The following QTGAL variants were observed in gnomAD, a reference collection of about 807,000 sequenced individuals.
QTGAL encodes the protein BGnT-like protein 1.
At chr17:83,049,550 T>C in the QTGAL span, among the ~76,000 whole-genome samples, 9 of 151,588 alleles carry the variant, frequency 5.9e-5, no homozygotes, top group African/African-American at 1.9e-4. Context: ...GTAGCTGGGA[T>C]TACAGGTGCT....
chr17:82,986,259 G>A, the QTGAL span, among the ~76,000 whole-genome samples: 4 of 152,318 alleles, frequency 2.6e-5, no homozygotes, highest in East Asian at 3.9e-4. Flanking sequence ...GCCCGACCCC[G>A]TGGCCACAGA....
the QTGAL span, among the ~76,000 whole-genome samples, chr17:83,016,909 A>G: frequency 1.3e-5 from 2 of 152,202 alleles, no homozygotes; most frequent in East Asian, 1.9e-4. Flanking sequence ...ACCTTCAAAC[A>G]CGGGACCCTC....
At chr17:83,023,412 T>C in the QTGAL span, among the ~76,000 whole-genome samples, 2 of 148,648 alleles carry the variant, frequency 1.3e-5, no homozygotes, top group Non-Finnish European at 3.1e-5. Context: ...TCCGCTGTTT[T>C]CTAAAGTTGC....
chr17:82,993,565 C>T, the QTGAL span, among the ~76,000 whole-genome samples: 1 of 152,010 alleles, frequency 6.6e-6, no homozygotes, highest in African/African-American at 2.4e-5. Context: ...ATTTTCAGCA[C>T]TGAACAGATT....
At chr17:82,968,301 T>TGCCCGTACCACGAGTCCAGTGGA in the QTGAL span, among the ~76,000 whole-genome samples, 1 of 152,124 alleles carries the variant, frequency 6.6e-6, no homozygotes, top group African/African-American at 2.4e-5. Flanking sequence ...AGCCCTGTGG[T>TGCCCGTACCACGAGTCCAGTGGA]GCCCGTACCA....
chr17:82,952,091 G>A, the QTGAL span, among the ~76,000 whole-genome samples: 109,319 of 152,160 alleles, frequency 0.72, 39,744 homozygotes, highest in South Asian at 0.84. Context: ...ATAAAATGAG[G>A]TGCGCCAGTA....
chr17:83,039,524 G>A, the QTGAL span, among the ~76,000 whole-genome samples: 1 of 106,718 alleles, frequency 9.4e-6, no homozygotes, highest in African/African-American at 3.4e-5. Flanking sequence ...CCCGCCGCCC[G>A]CCCCTGTTCT....
At chr17:82,998,853 C>T in the QTGAL span, among the ~76,000 whole-genome samples, 1,988 of 152,114 alleles carry the variant, frequency 0.013, 44 homozygotes, top group African/African-American at 0.043. Context: ...AGAAGATACA[C>T]GGATGGCAAA....
At chr17:83,031,123 T>C in the QTGAL span, among the ~76,000 whole-genome samples, 1 of 152,240 alleles carries the variant, frequency 6.6e-6, no homozygotes, top group Admixed American at 6.5e-5. Context: ...TTTATTCTAC[T>C]AAAGTTTCCA....
the QTGAL span, among the ~76,000 whole-genome samples, chr17:82,957,825 A>G: frequency 1.3e-5 from 2 of 152,124 alleles, no homozygotes; most frequent in Non-Finnish European, 2.9e-5. Context: ...TTTCCCAGAG[A>G]AACCTTTGTC....
At chr17:82,969,562 G>C in the QTGAL span, among the ~76,000 whole-genome samples, 133,120 of 152,244 alleles carry the variant, frequency 0.87, 58,581 homozygotes, top group African/African-American at 0.97. Flanking sequence ...GGTCCCAGCA[G>C]AGAGGCTGAG....
At chr17:82,991,370 G>T in the QTGAL span, among the ~76,000 whole-genome samples, 1,846 of 152,258 alleles carry the variant, frequency 0.012, 42 homozygotes, top group African/African-American at 0.042. Context: ...TGTTCTCATG[G>T]TAGTGAATAA....
the QTGAL span, among the ~76,000 whole-genome samples, chr17:82,995,047 T>C: frequency 5.4e-4 from 82 of 152,218 alleles, 2 homozygotes; most frequent in South Asian, 0.016. Flanking sequence ...CTTAACATAA[T>C]AAAAGCCATA....
the QTGAL span, among the ~76,000 whole-genome samples, chr17:82,971,272 T>A: frequency 6.6e-6 from 1 of 151,996 alleles, no homozygotes; most frequent in South Asian, 2.1e-4. Flanking sequence ...GTGACAACGA[T>A]CCAGAAACAA....
chr17:83,039,899 T>G, the QTGAL span, among the ~76,000 whole-genome samples: 1 of 152,208 alleles, frequency 6.6e-6, no homozygotes, highest in Non-Finnish European at 1.5e-5. Context: ...GCCTGTGATT[T>G]TGTGAGTCTC....
the QTGAL span, chr17:83,005,905 C>T: frequency 2.9e-5 from 40 of 1,356,644 alleles, 1 homozygote; most frequent in South Asian, 6.7e-4. This position sits in a 1 kb window ranked among gnomAD's most constrained non-coding sequence, Gnocchi z 5.6. Flanking sequence ...AGTGGGCTCC[C>T]AGCACTCAGC....
At chr17:82,949,019 T>G in the QTGAL span, 3 of 152,212 alleles carry the variant, frequency 2.0e-5, no homozygotes, top group Non-Finnish European at 4.4e-5. Flanking sequence ...GTTTTCCTTA[T>G]GAAAAATACT....
the QTGAL span, among the ~76,000 whole-genome samples, chr17:82,958,483 G>A: frequency 1.3e-3 from 194 of 152,294 alleles, no homozygotes; most frequent in African/African-American, 4.5e-3. Flanking sequence ...CCTCGGGATC[G>A]GGGCAGGATT....
At chr17:83,049,412 G>GTTTT in the QTGAL span, among the ~76,000 whole-genome samples, 3 of 136,782 alleles carry the variant, frequency 2.2e-5, no homozygotes, top group African/African-American at 2.7e-5. Flanking sequence ...TAACTGGTTG[G>GTTTT]TTTTTTTTTT....
Sources: allele counts gnomAD v4.1 joint callset (sites outside exome capture counted in the v4.1 genomes callset), GRCh38; gene constraint gnomAD v4.1.1; non-coding constraint Gnocchi (gnomAD v3.1); transcripts MANE v1.5; gene names NCBI Gene and HGNC (gene_info 2026-07-23, HGNC 2026-07-21).